SPTB: variants seen among roughly 807,000 people sequenced by gnomAD.
The protein encoded by SPTB is spectrin beta, erythrocytic.
In SPTB, 45 loss-of-function variants were observed where a neutral mutation model predicts 256.2. The observed-to-expected ratio is 0.18, with a 90% CI of 0.14 to 0.23. The LOEUF is 0.23. SPTB is among the 10% of genes least tolerant of loss of function. The pLI, the probability that SPTB is intolerant of heterozygous loss-of-function variation, is 1.00. For missense variants in SPTB, 2,715 were observed against 3,040.4 expected (o/e 0.89, Z 2.52); for synonymous variants, 1,231 against 1,243.1 (o/e 0.99, Z 0.21).
At position 64,866,552 on chromosome 14, in the gene SPTB, C is replaced by T. The variant is rs934971958; in HGVS notation, c.-52+13240G>A. 1.3e-5 allele frequency among the ~76,000 whole-genome samples: 2 copies of T among 152,158 alleles called. No individual in the cohort carries two copies. The highest frequency in any genetic ancestry group is 1.3e-4 in the Admixed American group (2 of 15,270). ...CGCCTCTGGAAGTTAAATACCAGCT[C>T]CTATCAGTCACTGGGTGCAGGACGA... On this transcript the variant is annotated intron_variant, in intron 1 of 35. Coordinates refer to ENST00000644917, the MANE Select transcript of SPTB (RefSeq NM_001355436.2). The surrounding 1 kb of genome is among the most constrained non-coding windows in gnomAD (Gnocchi z 4.6).
At position 64,778,900 on chromosome 14, in the gene SPTB, C is replaced by T. The variant is rs1050659614; in HGVS notation, c.4563+257G>A. Among the ~76,000 whole-genome samples the T allele has an allele frequency of 1.3e-5, 2 of 152,106 alleles. No individual in the cohort carries two copies. The highest frequency in any genetic ancestry group is 1.3e-4 in the Admixed American group (2 of 15,274). On this transcript the variant is annotated intron_variant, in intron 22 of 35. Transcript: ENST00000644917. This position sits in a 1 kb window ranked among gnomAD's most constrained non-coding sequence, Gnocchi z 5.2. ...CCCGAGATCCTGCATTCACCTGTGC[C>T]TGATGGAGGCTGAATGGCCCTGAAT... is the stretch of plus-strand genomic sequence containing the variant.
In SPTB at chr14:64,772,494, G is replaced by C; in HGVS notation, c.5553+86C>G. On this transcript the variant is annotated intron_variant, in intron 26 of 35. Transcript: ENST00000644917. This position sits in a 1 kb window ranked among gnomAD's most constrained non-coding sequence, Gnocchi z 5.4. ...AAAACCTCCTGGCACTTATCCTAGA[G>C]GTTTTCCTGCTGACAGCCAGGTGGG... 6 of 1,557,872 alleles carry C rather than the reference G, an allele frequency of 3.9e-6. No individual in the cohort carries two copies. The highest frequency in any genetic ancestry group is 5.2e-6 in the Non-Finnish European group (6 of 1,157,866).
At chr14:64,842,115 C>T (rs757338621) in intron 1 of SPTB, among the ~76,000 whole-genome samples, 3 of 152,246 alleles carry the variant, frequency 2.0e-5, no homozygotes, top group Non-Finnish European at 2.9e-5. Context: ...AGAAGAGCTG[C>T]CAAGTGCCTG....
chr14:64,773,525 G>T, intron 24 of SPTB, 101 bp from the exon 25 acceptor site: 2 of 1,243,590 alleles, frequency 1.6e-6, no homozygotes, highest in South Asian at 1.2e-5. Flanking sequence ...CCCTGGCAGG[G>T]ATAGGTAGGG....
At chr14:64,791,504 T>C (rs1291775075) in intron 15 of SPTB, among the ~76,000 whole-genome samples, 1 of 140,162 alleles carries the variant, frequency 7.1e-6, no homozygotes, top group Non-Finnish European at 1.5e-5. Flanking sequence ...AGGTGGAAGT[T>C]GCAGTGAGCC....
intron 2 of SPTB, among the ~76,000 whole-genome samples, chr14:64,820,318 C>G (rs2083265436): frequency 6.6e-6 from 1 of 152,150 alleles, no homozygotes; most frequent in Admixed American, 6.5e-5. Context: ...TGACATGCTC[C>G]CTTTCTCCAT....
intron 2 of SPTB, among the ~76,000 whole-genome samples, chr14:64,808,875 G>A (rs370352726): frequency 1.8e-4 from 27 of 152,066 alleles, no homozygotes; most frequent in Non-Finnish European, 4.0e-4. Flanking sequence ...AATTGGAGTG[G>A]TTGAGGGGGC....
chr14:64,840,384 T>A (rs898946833), intron 1 of SPTB, among the ~76,000 whole-genome samples: 1 of 152,246 alleles, frequency 6.6e-6, no homozygotes, highest in East Asian at 1.9e-4. Flanking sequence ...AAAGACTTTT[T>A]GTGACATTCG....
At chr14:64,833,281 T>C (rs754335250) in intron 1 of SPTB, among the ~76,000 whole-genome samples, 7 of 152,162 alleles carry the variant, frequency 4.6e-5, no homozygotes, top group Non-Finnish European at 1.0e-4. Flanking sequence ...CTGGGCGCGG[T>C]GGCTCACGCC....
At chr14:64,765,305 A>G (rs1402762755) in intron 32 of SPTB, among the ~76,000 whole-genome samples, 2 of 151,992 alleles carry the variant, frequency 1.3e-5, no homozygotes, top group African/African-American at 2.4e-5. Flanking sequence ...CACAGCGGGG[A>G]CATGCAGGGG....
chr14:64,755,080 G>A (rs1339874975), intron 32 of SPTB: 6 of 152,284 alleles, frequency 3.9e-5, no homozygotes, highest in African/African-American at 1.2e-4. Flanking sequence ...GTCAGAAAAG[G>A]TTCTTTTTCT....
In SPTB at chr14:64,792,569, G is replaced by GT. The variant is rs2082692511; in HGVS notation, c.2666+427dup. 1.3e-5 allele frequency among the ~76,000 whole-genome samples: 2 copies of GT among 151,874 alleles called. No individual in the cohort carries two copies. Among genetic ancestry groups the GT allele is most frequent in the South Asian group, 4.2e-4 (2 of 4,792 alleles). On this transcript the variant is annotated intron_variant, in intron 14 of 35. Transcript: ENST00000644917. This position sits in a 1 kb window ranked among gnomAD's most constrained non-coding sequence, Gnocchi z 4.2. ...GTGAGAGTGGCCTTGCAGACAGGGG[G>GT]TTTGCAAATTCTCTCTGTGGCCCCT...
Position 64,844,631 on chromosome 14 carries a change from A to G in SPTB, c.-51-21486T>C, listed in dbSNP as rs1270606258. 1.3e-5 allele frequency among the ~76,000 whole-genome samples: 2 copies of G among 152,248 alleles called. No homozygotes were observed. Among genetic ancestry groups the G allele is most frequent in the African/African-American group, 2.4e-5 (1 of 41,476 alleles). On this transcript the variant is annotated intron_variant, in intron 1 of 35. Transcript: ENST00000644917. The surrounding 1 kb of genome is among the most constrained non-coding windows in gnomAD (Gnocchi z 4.1). ...CTAATGATAAATTTCAGCTTTGTTA[A>G]TAACAGTCCAGCAATTCACATTAAC...
rs2083650001 is a variant in SPTB, at chr14:64,844,105, T to G, written c.-51-20960A>C. The stretch of plus-strand genomic sequence containing the variant: ...CCAACAAGAGTGGACCTACCCATCC[T>G]CAAAATGGTACACCCAGGCTGGGTA... On this transcript the variant is annotated intron_variant, in intron 1 of 35. Transcript: ENST00000644917. The surrounding 1 kb of genome is among the most constrained non-coding windows in gnomAD (Gnocchi z 4.1). 6.6e-6 allele frequency among the ~76,000 whole-genome samples: 1 copy of G among 152,208 alleles called. No individual in the cohort carries two copies. Among genetic ancestry groups the G allele is most frequent in the East Asian group, 1.9e-4 (1 of 5,184 alleles).
In SPTB at chr14:64,841,819, C is replaced by T. The variant is rs948672302; in HGVS notation, c.-51-18674G>A. The stretch of plus-strand genomic sequence containing the variant: ...CTATTTGCAAAAGAAGGGAAACCCC[C>T]GCGTATGGAACCAGAAGAGGGTTTC... On this transcript the variant is annotated intron_variant, in intron 1 of 35. Transcript: ENST00000644917. This position sits in a 1 kb window ranked among gnomAD's most constrained non-coding sequence, Gnocchi z 4.6. Among the ~76,000 whole-genome samples the T allele has an allele frequency of 2.4e-4, 36 of 152,086 alleles. 1 individual carries two copies. The highest frequency in any genetic ancestry group is 1.0e-4 in the Non-Finnish European group (7 of 68,026).
chr14:64,812,406 G>A (rs925256948), intron 2 of SPTB, among the ~76,000 whole-genome samples: 1 of 152,178 alleles, frequency 6.6e-6, no homozygotes, highest in Non-Finnish European at 1.5e-5. Context: ...AGAGAGCAAG[G>A]CTGATGGCAG....
In SPTB at chr14:64,749,290, C is replaced by T; in HGVS notation, c.*16G>A. On this transcript the variant is annotated 3_prime_UTR_variant, in exon 36 of 36. Transcript: ENST00000644917. This position sits in a 1 kb window ranked among gnomAD's most constrained non-coding sequence, Gnocchi z 4.7. ...TCTGCGCGTCCCGACTCCGCCGCGC[C>T]CGCCAGCCCCACCTGCTACTTCTTT... 3.2e-6 allele frequency: 5 copies of T among 1,578,556 alleles called. No individual in the cohort carries two copies. The highest frequency in any genetic ancestry group is 4.3e-6 in the Non-Finnish European group (5 of 1,166,038).
chr14:64,844,723 C>T lies in SPTB; in HGVS notation c.-51-21578G>A, dbSNP rs1176109594. Among the ~76,000 whole-genome samples, 1 of 152,234 alleles carries T rather than the reference C, an allele frequency of 6.6e-6. No homozygotes were observed. The highest frequency in any genetic ancestry group is 2.4e-5 in the African/African-American group (1 of 41,454). On this transcript the variant is annotated intron_variant, in intron 1 of 35. Coordinates refer to ENST00000644917, the MANE Select transcript of SPTB (RefSeq NM_001355436.2). The surrounding 1 kb of genome is among the most constrained non-coding windows in gnomAD (Gnocchi z 4.1). ...CTATGACTTCCCAAAAACACCTACT[C>T]TTTGCAAGTCAGATTTACTATTCTC...
intron 24 of SPTB, among the ~76,000 whole-genome samples, chr14:64,774,087 C>T (rs184351850): frequency 3.2e-4 from 48 of 152,372 alleles, no homozygotes; most frequent in Admixed American, 2.9e-3. Context: ...AAGTAGTCTT[C>T]AGTGTCCCTT....
Sources: allele counts gnomAD v4.1 joint callset (sites outside exome capture counted in the v4.1 genomes callset), GRCh38; gene constraint gnomAD v4.1.1; non-coding constraint Gnocchi (gnomAD v3.1); transcripts MANE v1.5; gene names NCBI Gene and HGNC (gene_info 2026-07-23, HGNC 2026-07-21).